SNX8: variants seen among roughly 807,000 people sequenced by gnomAD.
The protein encoded by SNX8 is sorting nexin-8.
In SNX8, 25 loss-of-function variants were observed where a neutral mutation model predicts 51.6. The ratio of observed to expected loss-of-function variants is 0.48; its 90% CI spans 0.35 to 0.68. SNX8 has a LOEUF of 0.68. Ranked by LOEUF, SNX8 falls within the 30% of genes least tolerant of loss-of-function variation. The pLI is 0.00. For missense variants in SNX8, 695 were observed against 624.0 expected (o/e 1.11, Z -1.21); for synonymous variants, 324 against 277.0 (o/e 1.17, Z -1.68).
At chr7:2,335,713 G>A (rs188401684) in intron 1 of SNX8, among the ~76,000 whole-genome samples, 3 of 147,940 alleles carry the variant, frequency 2.0e-5, no homozygotes, top group East Asian at 2.0e-4. Context: ...TGAGGCAGGC[G>A]AATGGCGTGA....
intron 4 of SNX8, 22 bp from the exon 5 acceptor site, chr7:2,269,661 C>G: frequency 3.9e-6 from 6 of 1,536,104 alleles, no homozygotes; most frequent in Non-Finnish European, 3.5e-6. Flanking sequence ...AAACACACAG[C>G]TTCACCCTCT....
chr7:2,310,391 G>A (rs142835564), intron 1 of SNX8, among the ~76,000 whole-genome samples: 17 of 152,224 alleles, frequency 1.1e-4, no homozygotes, highest in African/African-American at 3.1e-4. Context: ...TGGGAGGCCC[G>A]GGTGGGAGGA....
In SNX8 at chr7:2,321,816, C is replaced by T. The variant is rs554267506; in HGVS notation, c.-66+32406G>A. ...TCGGCTCACTGCAACCTCTGCCTCC[C>T]AGGTTCAATCAATTCTCCTGCCTCA... is the stretch of plus-strand genomic sequence containing the variant. On this transcript the variant is annotated intron_variant, in intron 1 of 5. Transcript: ENST00000435336. Among the ~76,000 whole-genome samples the T allele has an allele frequency of 6.2e-4, 93 of 149,962 alleles. 2 individuals are homozygous for T. The South Asian group carries it at 8.3e-3, about 13-fold the overall frequency.
In SNX8 at chr7:2,278,112, C is replaced by T. The variant is rs757087070; in HGVS notation, c.288G>A (p.Glu96=). The T allele has an allele frequency of 1.9e-6, 3 of 1,613,812 alleles. No individual in the cohort carries two copies. Among genetic ancestry groups the T allele is most frequent in the Non-Finnish European group, 2.5e-6 (3 of 1,179,824 alleles). ...KGLFLKHVEY[E]VSSQRFKSSV... is the part of the protein sequence containing the mutation. ...ATTTGCCAGTTACCTGGCTGGAAAC[C>T]TCATACTCCACATGCTTCAGGAAGA... Residue 96 remains glutamate (E), a synonymous_variant, in exon 2 of 11, where the codon GAG becomes GAA. Coordinates refer to ENST00000222990, the MANE Select transcript of SNX8 (RefSeq NM_013321.4).
At chr7:2,302,675 GCCA>G (rs1260371552) in intron 1 of SNX8, among the ~76,000 whole-genome samples, 2 of 151,632 alleles carry the variant, frequency 1.3e-5, no homozygotes, top group East Asian at 1.9e-4. Context: ...CTTCCCGGCC[GCCA>G]CCACATCTAG....
chr7:2,328,348 T>C (rs13223135), intron 1 of SNX8, among the ~76,000 whole-genome samples: 12 of 151,018 alleles, frequency 7.9e-5, no homozygotes, highest in African/African-American at 2.9e-4. Context: ...TGAGCCACCA[T>C]GCCTGGCCTG....
intron 1 of SNX8, among the ~76,000 whole-genome samples, chr7:2,340,925 T>A (rs1225288525): frequency 2.7e-5 from 4 of 147,612 alleles, no homozygotes; most frequent in African/African-American, 1.0e-4. Context: ...GGCTCATGCT[T>A]GTAATCCCAG....
intron 1 of SNX8, among the ~76,000 whole-genome samples, chr7:2,286,294 G>C (rs1354620119): frequency 6.6e-6 from 1 of 151,978 alleles, no homozygotes; most frequent in Non-Finnish European, 1.5e-5. Flanking sequence ...TTACAGACGA[G>C]AGCCACCTCA....
At chr7:2,295,335 C>T (rs890585270) in intron 1 of SNX8, among the ~76,000 whole-genome samples, 1 of 145,526 alleles carries the variant, frequency 6.9e-6, no homozygotes, top group African/African-American at 2.5e-5. Flanking sequence ...ACTCAGGAGA[C>T]GGAGGCTGCA....
intron 1 of SNX8, among the ~76,000 whole-genome samples, chr7:2,343,444 G>A (rs565049966): frequency 8.0e-4 from 121 of 151,780 alleles, no homozygotes; most frequent in African/African-American, 2.8e-3. Flanking sequence ...GGGAGGCCGA[G>A]GCGGGCGGAT....
upstream of SNX8, chr7:2,354,352 C>G (rs796666198): frequency 3.9e-5 from 6 of 152,346 alleles, no homozygotes; most frequent in Admixed American, 1.3e-4. Flanking sequence ...GTGACAGACA[C>G]GGACAGGGGG....
chr7:2,350,085 C>G (rs1583131768), intron 1 of SNX8, among the ~76,000 whole-genome samples: 1 of 152,192 alleles, frequency 6.6e-6, no homozygotes, highest in African/African-American at 2.4e-5. Flanking sequence ...GGCTCTGAAC[C>G]TCTTCCTCAA....
intron 1 of SNX8, among the ~76,000 whole-genome samples, chr7:2,279,506 C>A (rs892864024): frequency 6.6e-6 from 1 of 152,114 alleles, no homozygotes; most frequent in Non-Finnish European, 1.5e-5. Flanking sequence ...AATCCTGGGA[C>A]TTGGGGAGAC....
chr7:2,310,010 T>C (rs1562452232), intron 1 of SNX8: 2 of 389,954 alleles, frequency 5.1e-6, no homozygotes, highest in East Asian at 1.4e-4. Flanking sequence ...GAATGGAATG[T>C]ATGGAATGCC....
rs980854943 is a variant in SNX8, at chr7:2,257,002, T to C, written c.1156A>G (p.Met386Val). The change falls in exon 10 of 11, where the codon ATG (methionine) becomes GTG (valine). Residue 386 changes from methionine to valine, a missense_variant. Physicochemically the swap from Met to Val is conservative, Grantham distance 21. Transcript: ENST00000222990. ...AGGGAGAAGTAGTTCCGCAGCTCCA[T>C]CGTCTGAATCGCGTTCTCCTGCTGC... ...IVEQENAIQT[M>V]ELRNYFSLYC... The C allele has an allele frequency of 2.5e-6, 4 of 1,609,586 alleles. No individual in the cohort carries two copies. The highest frequency in any genetic ancestry group is 2.5e-6 in the Non-Finnish European group (3 of 1,177,532).
rs372466872 is a variant in SNX8, at chr7:2,310,494, G to A, written c.94+3834C>T. 1.1e-4 allele frequency among the ~76,000 whole-genome samples: 17 copies of A among 152,134 alleles called. No homozygotes were observed. The South Asian group carries it at 1.9e-3, about 17-fold the overall frequency. On this transcript the variant is annotated intron_variant, in intron 1 of 10. Transcript: ENST00000222990. ...AAAAATTGGCCAGGCGTGGCTGGGCGCAGTGGTTCACCCCTGTAATCTCAG... is the reference window on the plus strand; with the variant it reads ...AAAAATTGGCCAGGCGTGGCTGGGCACAGTGGTTCACCCCTGTAATCTCAG...
intron 1 of SNX8, among the ~76,000 whole-genome samples, chr7:2,340,266 T>C (rs1668091192): frequency 6.6e-6 from 1 of 151,248 alleles, no homozygotes; most frequent in African/African-American, 2.4e-5. Context: ...TAGATGGGGT[T>C]TCTCCATGTT....
At chr7:2,347,069 T>C (rs1779045537) in intron 1 of SNX8, among the ~76,000 whole-genome samples, 1 of 152,126 alleles carries the variant, frequency 6.6e-6, no homozygotes, top group Non-Finnish European at 1.5e-5. Flanking sequence ...GTTGCTCACC[T>C]GTAATCCAGC....
At chr7:2,324,893 T>C (rs1215738862) in intron 1 of SNX8, among the ~76,000 whole-genome samples, 1 of 151,970 alleles carries the variant, frequency 6.6e-6, no homozygotes, top group Admixed American at 6.6e-5. Context: ...GCAGCCTCCG[T>C]CTCCTGGGTA....
Sources: gnomAD v4.1 joint callset for allele counts (sites outside exome capture counted in the v4.1 genomes callset) on GRCh38, gnomAD v4.1.1 for gene constraint, MANE v1.5 for transcripts, NCBI Gene and HGNC (gene_info 2026-07-23, HGNC 2026-07-21) for gene names.